Variants in COL4A2 observed in about 807,000 individuals in gnomAD.
COL4A2 encodes collagen alpha-2(IV) chain.
COL4A2 carries 99 observed loss-of-function variants against 200.2 expected under a neutral mutation model. The observed-to-expected ratio is 0.49, with a 90% CI of 0.42 to 0.58. The LOEUF (loss-of-function observed/expected upper bound fraction) is 0.58. COL4A2 is among the 20% of genes least tolerant of loss of function. The pLI is 0.00. For missense variants in COL4A2, 1,950 were observed against 2,314.1 expected (o/e 0.84, Z 3.23); for synonymous variants, 897 against 900.6 (o/e 1.00, Z 0.07).
chr13:110,402,639 A>G (rs1037904094), intron 4 of COL4A2, among the ~76,000 whole-genome samples: 15 of 152,156 alleles, frequency 9.9e-5, no homozygotes, highest in African/African-American at 1.9e-4. Context: ...CATGAACAGA[A>G]TATTATTCAT....
At chr13:110,491,380 C>A in intron 37 of COL4A2, 40 bp downstream of exon 37, 1 of 1,358,732 alleles carries the variant, frequency 7.4e-7, no homozygotes, top group Non-Finnish European at 1.0e-6. Context: ...CTCAGGCAGG[C>A]CCTCCGGAGA....
At chr13:110,330,575 T>C (rs1875861315) in intron 3 of COL4A2, among the ~76,000 whole-genome samples, 1 of 152,230 alleles carries the variant, frequency 6.6e-6, no homozygotes, top group South Asian at 2.1e-4. Context: ...GATTCTGTTA[T>C]GGTTCAAAGC....
chr13:110,451,693 T>C (rs930745762), intron 20 of COL4A2, among the ~76,000 whole-genome samples: 9 of 152,226 alleles, frequency 5.9e-5, no homozygotes, highest in Admixed American at 1.3e-4. Flanking sequence ...CACCATGACA[T>C]CTGGGGATTA....
intron 4 of COL4A2, among the ~76,000 whole-genome samples, chr13:110,363,115 C>T (rs1594170329): frequency 6.8e-6 from 1 of 146,132 alleles, no homozygotes; most frequent in Non-Finnish European, 1.6e-5. Flanking sequence ...CCCTGTCACA[C>T]GACAACAGGG....
chr13:110,336,217 C>T (rs1212336026), intron 3 of COL4A2, among the ~76,000 whole-genome samples: 5 of 152,146 alleles, frequency 3.3e-5, no homozygotes, highest in African/African-American at 9.7e-5. Context: ...GGAAAATATT[C>T]TGATGGCTCT....
At chr13:110,411,026 A>T (rs554853812) in intron 4 of COL4A2, among the ~76,000 whole-genome samples, 17 of 152,242 alleles carry the variant, frequency 1.1e-4, no homozygotes, top group African/African-American at 4.1e-4. Flanking sequence ...GATGCTCTTA[A>T]GCCCTCACTC....
rs529891443 is a variant in COL4A2 at position 110,340,131 on chromosome 13, AT to A, written c.100-17331del. 7.7e-4 allele frequency among the ~76,000 whole-genome samples: 116 copies of A among 150,688 alleles called. 2 individuals are homozygous for A. In the South Asian group the frequency reaches 9.3e-3, roughly 12 times the overall value. On this transcript the variant is annotated intron_variant, in intron 3 of 47. Coordinates refer to ENST00000360467, the MANE Select transcript of COL4A2 (RefSeq NM_001846.4). ...CTGCAGAGTCCAGTCTAAGAGGACA[AT>A]TTTTTTTTTCAGATGTAGTCTTGTT...
At chr13:110,380,817 A>T (rs1878443814) in intron 4 of COL4A2, among the ~76,000 whole-genome samples, 1 of 146,012 alleles carries the variant, frequency 6.8e-6, no homozygotes, top group African/African-American at 2.6e-5. Context: ...GCTCTAACTC[A>T]CACCCACGTG....
chr13:110,396,937 T>G (rs1000350856), intron 4 of COL4A2, among the ~76,000 whole-genome samples: 2 of 152,202 alleles, frequency 1.3e-5, no homozygotes, highest in Admixed American at 6.5e-5. Flanking sequence ...TGGTTTTATT[T>G]TGAGTTTGAA....
chr13:110,332,899 G>A (rs780633996), intron 3 of COL4A2, among the ~76,000 whole-genome samples: 38 of 152,278 alleles, frequency 2.5e-4, no homozygotes, highest in South Asian at 4.1e-4. Context: ...CTGAACACAC[G>A]GTGCTATTTC....
At chr13:110,511,252 T>G (rs1884073144) in intron 47 of COL4A2, among the ~76,000 whole-genome samples, 1 of 151,284 alleles carries the variant, frequency 6.6e-6, no homozygotes, top group Non-Finnish European at 1.5e-5. Flanking sequence ...AAAAAAAGGC[T>G]TCCTTGAAGA....
chr13:110,329,638 C>T (rs1875812119), intron 3 of COL4A2, among the ~76,000 whole-genome samples: 2 of 152,338 alleles, frequency 1.3e-5, no homozygotes, highest in Admixed American at 1.3e-4. Flanking sequence ...AAGTCAATAA[C>T]ATGCCTGAGG....
chr13:110,503,536 C>A, intron 43 of COL4A2, 55 bp downstream of exon 43: 1 of 1,085,400 alleles, frequency 9.2e-7, no homozygotes, highest in Non-Finnish European at 1.3e-6. Flanking sequence ...CCTCTCCAGG[C>A]TTGGGGACAT....
intron 4 of COL4A2, among the ~76,000 whole-genome samples, chr13:110,396,173 CG>C (rs1346853120): frequency 6.6e-6 from 1 of 152,168 alleles, no homozygotes; most frequent in Non-Finnish European, 1.5e-5. Flanking sequence ...CTAGTTCCTC[CG>C]ATTATTAACA....
At chr13:110,456,671 G>T in intron 20 of COL4A2, 2 of 437,524 alleles carry the variant, frequency 4.6e-6, no homozygotes, top group Non-Finnish European at 4.7e-6. Context: ...CATTTGGGGA[G>T]GCTTGGCTGA....
intron 25 of COL4A2, 80 bp from the exon 26 acceptor site, chr13:110,465,923 A>G: frequency 6.6e-7 from 1 of 1,525,584 alleles, no homozygotes; most frequent in Non-Finnish European, 9.0e-7. Context: ...ACACCTTCAC[A>G]CACGTGCACG....
chr13:110,462,540 A>T (rs1054784239), intron 24 of COL4A2, 156 bp downstream of exon 24: 1 of 659,670 alleles, frequency 1.5e-6, no homozygotes, highest in Non-Finnish European at 2.5e-6. Context: ...AATGAGCAGA[A>T]ATCAGACTTT....
chr13:110,357,187 A>G (rs926675626), intron 3 of COL4A2, among the ~76,000 whole-genome samples: 7 of 152,158 alleles, frequency 4.6e-5, no homozygotes, highest in Non-Finnish European at 1.0e-4. Context: ...ACCAGCATAC[A>G]GGTTGGTTCC....
At chr13:110,321,033 C>G (rs1242878847) in intron 3 of COL4A2, among the ~76,000 whole-genome samples, 2 of 152,106 alleles carry the variant, frequency 1.3e-5, no homozygotes, top group African/African-American at 4.8e-5. Context: ...AACTAGGTAA[C>G]TTTCCTGTAA....
Sources: gnomAD v4.1 joint callset for allele counts (sites outside exome capture counted in the v4.1 genomes callset) on GRCh38, gnomAD v4.1.1 for gene constraint, MANE v1.5 for transcripts, NCBI Gene and HGNC (gene_info 2026-07-23, HGNC 2026-07-21) for gene names.